Variants in CAMK4 observed in about 807,000 individuals in gnomAD.
The protein encoded by CAMK4 is calcium/calmodulin-dependent protein kinase type IV.
In CAMK4, 22 loss-of-function variants were observed where a neutral mutation model predicts 44.9. The ratio of observed to expected loss-of-function variants is 0.49; its 90% CI spans 0.35 to 0.70. CAMK4 has a LOEUF of 0.70. Ranked by LOEUF, CAMK4 falls within the 30% of genes least tolerant of loss-of-function variation. CAMK4 has a pLI of 0.01. For missense variants in CAMK4, 498 were observed against 586.8 expected (o/e 0.85, Z 1.56); for synonymous variants, 218 against 215.4 (o/e 1.01, Z -0.11).
At chr5:111,356,576 C>T (rs1344259603) in intron 2 of CAMK4, among the ~76,000 whole-genome samples, 2 of 152,222 alleles carry the variant, frequency 1.3e-5, no homozygotes, top group Admixed American at 6.5e-5. Context: ...GAAGTCCTTG[C>T]CCATGCCTGT....
chr5:111,302,209 A>G (rs1747749826), intron 1 of CAMK4: 1 of 152,498 alleles, frequency 6.6e-6, no homozygotes, highest in Non-Finnish European at 1.5e-5. Flanking sequence ...GGTCCCAATT[A>G]CCTTATAAAT....
intron 1 of CAMK4, among the ~76,000 whole-genome samples, chr5:111,327,114 C>T (rs932094338): frequency 8.6e-5 from 13 of 151,308 alleles, no homozygotes; most frequent in African/African-American, 2.2e-4. Context: ...CCCATTAACT[C>T]GTCATTTAGC....
At chr5:111,268,333 T>G (rs910740340) in intron 1 of CAMK4, among the ~76,000 whole-genome samples, 2 of 152,182 alleles carry the variant, frequency 1.3e-5, no homozygotes, top group Non-Finnish European at 2.9e-5. Flanking sequence ...AGAATTGGGA[T>G]AGAAATGGGG....
At chr5:111,416,588 C>T (rs976090128) in intron 5 of CAMK4, 7 of 152,148 alleles carry the variant, frequency 4.6e-5, no homozygotes, top group Non-Finnish European at 8.8e-5. Flanking sequence ...TTTTGTTCCA[C>T]CTTTGTTTCA....
At chr5:111,466,254 G>C (rs1754823371) in intron 7 of CAMK4, among the ~76,000 whole-genome samples, 1 of 151,868 alleles carries the variant, frequency 6.6e-6, no homozygotes, top group East Asian at 1.9e-4. Context: ...TACCGAATGG[G>C]GAAAAGTTGA....
intron 2 of CAMK4, among the ~76,000 whole-genome samples, chr5:111,362,317 T>A (rs1750625571): frequency 6.6e-6 from 1 of 152,144 alleles, no homozygotes; most frequent in Non-Finnish European, 1.5e-5. Flanking sequence ...TAGTAATAAA[T>A]CTTAAGGAAT....
chr5:111,449,356 T>G (rs1349829570), intron 7 of CAMK4, among the ~76,000 whole-genome samples, 153 bp downstream of exon 7: 1 of 152,232 alleles, frequency 6.6e-6, no homozygotes, highest in East Asian at 1.9e-4. Context: ...TAAATAATAC[T>G]CAGATCACTT....
chr5:111,330,798 T>C (rs193296119), intron 1 of CAMK4, among the ~76,000 whole-genome samples: 7 of 151,584 alleles, frequency 4.6e-5, no homozygotes, highest in African/African-American at 1.5e-4. Flanking sequence ...ATAGAGAGAA[T>C]AGAGTCCTGG....
chr5:111,232,028 C>T (rs922037054), intron 1 of CAMK4, among the ~76,000 whole-genome samples: 4 of 152,158 alleles, frequency 2.6e-5, no homozygotes, highest in African/African-American at 4.8e-5. Context: ...AGGATGTTCT[C>T]GCTCTCTCTT....
At chr5:111,470,442 A>G (rs1006543939) in intron 7 of CAMK4, among the ~76,000 whole-genome samples, 12 of 152,202 alleles carry the variant, frequency 7.9e-5, no homozygotes, top group African/African-American at 2.9e-4. Flanking sequence ...TCCTTTCACC[A>G]TACAGGTTCT....
intron 1 of CAMK4, among the ~76,000 whole-genome samples, chr5:111,319,548 A>T (rs1748573224): frequency 6.6e-6 from 1 of 152,168 alleles, no homozygotes; most frequent in African/African-American, 2.4e-5. Flanking sequence ...GGCACCTGGG[A>T]CATAGATCAG....
At position 111,289,515 on chromosome 5, in the gene CAMK4, A is replaced by T. The variant is rs544675755; in HGVS notation, c.162-54509A>T. On this transcript the variant is annotated intron_variant, in intron 1 of 10. Transcript: ENST00000282356. ...CAATCTCTAAAAGACTTAAGGCAAG[A>T]AGGGTAGTGAAACAGCTAATAGTCT... Among the ~76,000 whole-genome samples, 27 of 152,354 alleles carry T rather than the reference A, an allele frequency of 1.8e-4. No homozygotes were observed. The South Asian group carries it at 5.2e-3, about 29-fold the overall frequency.
intron 1 of CAMK4, among the ~76,000 whole-genome samples, chr5:111,329,407 G>A (rs1373722117): frequency 1.3e-5 from 2 of 151,720 alleles, no homozygotes; most frequent in African/African-American, 4.8e-5. Context: ...GAAATAAAGA[G>A]TATTCAATTA....
At chr5:111,457,354 C>A (rs574727655) in intron 7 of CAMK4, among the ~76,000 whole-genome samples, 138 of 152,236 alleles carry the variant, frequency 9.1e-4, no homozygotes, top group Admixed American at 2.3e-3. Flanking sequence ...ACATATCAAG[C>A]AGACCTTACA....
At chr5:111,476,532 C>G (rs1212896095) in intron 8 of CAMK4, among the ~76,000 whole-genome samples, 1 of 152,048 alleles carries the variant, frequency 6.6e-6, no homozygotes, top group African/African-American at 2.4e-5. Context: ...CTGCCTCAGC[C>G]TCCCAAAGTG....
At chr5:111,356,429 G>A (rs1258811927) in intron 2 of CAMK4, among the ~76,000 whole-genome samples, 3 of 152,200 alleles carry the variant, frequency 2.0e-5, no homozygotes, top group Non-Finnish European at 4.4e-5. Context: ...GTAGGTTGCG[G>A]AAATTTTCTC....
At chr5:111,330,733 A>G (rs559457429) in intron 1 of CAMK4, among the ~76,000 whole-genome samples, 1 of 23,408 alleles carries the variant, frequency 4.3e-5, no homozygotes, top group African/African-American at 2.3e-4. Flanking sequence ...CCAATCCCCC[A>G]TAGATAACTA....
intron 2 of CAMK4, among the ~76,000 whole-genome samples, chr5:111,366,165 A>G (rs966241720): frequency 1.3e-5 from 2 of 152,314 alleles, no homozygotes; most frequent in East Asian, 3.9e-4. Flanking sequence ...GAAGAGCACA[A>G]TTATGTACTT....
chr5:111,382,780 T>C (rs932560877), intron 4 of CAMK4, among the ~76,000 whole-genome samples: 7 of 152,184 alleles, frequency 4.6e-5, no homozygotes, highest in African/African-American at 1.7e-4. Flanking sequence ...TTCCAAAGTA[T>C]ATAATTTTGC....
Sources: gnomAD v4.1 joint callset for allele counts (sites outside exome capture counted in the v4.1 genomes callset) on GRCh38, gnomAD v4.1.1 for gene constraint, MANE v1.5 for transcripts, NCBI Gene and HGNC (gene_info 2026-07-23, HGNC 2026-07-21) for gene names.